BBS9: variants seen among roughly 807,000 people sequenced by gnomAD.
BBS9 encodes the protein protein PTHB1.
Under a neutral mutation model 117.7 loss-of-function variants are expected in BBS9, and 89 were observed. That is an observed-to-expected ratio of 0.76 (90% CI 0.64 to 0.90). BBS9 has a LOEUF of 0.90. Among genes scored for constraint, BBS9 ranks in the 40% least tolerant of loss-of-function variants. The pLI is 0.00. For missense variants in BBS9, 982 were observed against 1,042.2 expected, an observed-to-expected ratio of 0.94 and a Z score of 0.80; for synonymous variants, 379 against 370.9, an observed-to-expected ratio of 1.02 and a Z score of -0.25.
intron 21 of BBS9, among the ~76,000 whole-genome samples, chr7:33,629,796 C>T (rs1268048840): frequency 2.0e-5 from 3 of 152,166 alleles, no homozygotes; most frequent in Non-Finnish European, 4.4e-5. Flanking sequence ...GTATTCAGCT[C>T]AATGCTCTTA....
chr7:33,272,867 A>G, intron 7 of BBS9, 145 bp from the exon 8 acceptor site: 2 of 849,268 alleles, frequency 2.4e-6, no homozygotes, highest in Non-Finnish European at 1.9e-6. Context: ...ATAGTGATAA[A>G]AAAAAGAATA....
At chr7:33,588,101 C>A (rs1388473979) in intron 21 of BBS9, among the ~76,000 whole-genome samples, 3 of 152,028 alleles carry the variant, frequency 2.0e-5, no homozygotes, top group African/African-American at 7.2e-5. Context: ...TTCTTTTTAA[C>A]TTTGATTCCT....
chr7:33,252,783 T>C (rs568549216), intron 5 of BBS9, among the ~76,000 whole-genome samples: 1 of 152,226 alleles, frequency 6.6e-6, no homozygotes, highest in South Asian at 2.1e-4. Context: ...GTCAAGGTCA[T>C]TGCATAAATA....
chr7:33,626,173 C>G (rs1865628080), intron 21 of BBS9, among the ~76,000 whole-genome samples: 1 of 152,166 alleles, frequency 6.6e-6, no homozygotes, highest in Non-Finnish European at 1.5e-5. Context: ...TAGCACTTCT[C>G]CCTTCTCTCT....
At chr7:33,314,735 CAT>C (rs929679440) in intron 9 of BBS9, among the ~76,000 whole-genome samples, 2 of 152,204 alleles carry the variant, frequency 1.3e-5, no homozygotes, top group Admixed American at 6.5e-5. Context: ...TTCAATCTCA[CAT>C]AGTCTTTGCC....
At chr7:33,590,459 G>GTTTTTTTGTTTTTGTTTTTTTTTTTTTT (rs1554551689) in intron 21 of BBS9, among the ~76,000 whole-genome samples, 3 of 101,504 alleles carry the variant, frequency 3.0e-5, no homozygotes, top group East Asian at 2.9e-4. Context: ...TTGTTTTTTT[G>GTTTTTTTGTTTTTGTTTTTTTTTTTTTT]TTTTTTTTTT....
At chr7:33,492,214 C>CAAAAAAAAAAAAAA (rs767399661) in intron 19 of BBS9, among the ~76,000 whole-genome samples, 1 of 110,620 alleles carries the variant, frequency 9.0e-6, no homozygotes, top group Non-Finnish European at 1.8e-5. Context: ...AAAAAAAAAA[C>CAAAAAAAAAAAAAA]AAAAAAAAAA....
At chr7:33,479,349 T>C (rs1445970905) in intron 19 of BBS9, among the ~76,000 whole-genome samples, 1 of 152,048 alleles carries the variant, frequency 6.6e-6, no homozygotes, top group Non-Finnish European at 1.5e-5. Flanking sequence ...GGTATTTAGT[T>C]TTCTGTTCTA....
At chr7:33,499,607 A>G (rs1034631334) in intron 19 of BBS9, among the ~76,000 whole-genome samples, 4 of 152,222 alleles carry the variant, frequency 2.6e-5, no homozygotes, top group Admixed American at 6.5e-5. Context: ...CATATTGCAC[A>G]TGATGAGACT....
chr7:33,323,214 T>G (rs542744472), intron 9 of BBS9, among the ~76,000 whole-genome samples: 1 of 152,306 alleles, frequency 6.6e-6, no homozygotes, highest in South Asian at 2.1e-4. Context: ...CTGCAGCCGT[T>G]AGATGAAATA....
intron 19 of BBS9, among the ~76,000 whole-genome samples, chr7:33,463,838 A>G (rs1839812834): frequency 6.6e-6 from 1 of 151,840 alleles, no homozygotes; most frequent in African/African-American, 2.4e-5. Context: ...CTATCAACCC[A>G]CCCCTTTCTG....
chr7:33,616,501 A>G (rs1047198268), intron 21 of BBS9, among the ~76,000 whole-genome samples: 1 of 147,538 alleles, frequency 6.8e-6, no homozygotes, highest in Non-Finnish European at 1.5e-5. Flanking sequence ...GTGTATATAT[A>G]TATATATATA....
chr7:33,368,611 CACACA>C (rs1162044854), intron 17 of BBS9, among the ~76,000 whole-genome samples: 4 of 150,946 alleles, frequency 2.6e-5, no homozygotes, highest in African/African-American at 9.8e-5. Flanking sequence ...CACACACACA[CACACA>C]CCCATACCCC....
intron 20 of BBS9, among the ~76,000 whole-genome samples, chr7:33,518,582 C>T (rs922929929): frequency 6.6e-6 from 1 of 152,108 alleles, no homozygotes; most frequent in African/African-American, 2.4e-5. Flanking sequence ...GTGTCAGCTA[C>T]TTCAAGGTAG....
At chr7:33,205,517 A>C (rs552655937) in intron 5 of BBS9, among the ~76,000 whole-genome samples, 168 of 152,296 alleles carry the variant, frequency 1.1e-3, no homozygotes, top group African/African-American at 3.9e-3. Context: ...CTGTTTTTTA[A>C]GGATACCCCT....
At chr7:33,338,036 T>C (rs1815735911) in intron 10 of BBS9, among the ~76,000 whole-genome samples, 1 of 152,128 alleles carries the variant, frequency 6.6e-6, no homozygotes, top group Non-Finnish European at 1.5e-5. Context: ...AAGTTTAGGC[T>C]GTTTTACTTG....
intron 21 of BBS9, among the ~76,000 whole-genome samples, chr7:33,614,438 T>C (rs1306848909): frequency 6.6e-6 from 1 of 152,040 alleles, no homozygotes; most frequent in Non-Finnish European, 1.5e-5. Context: ...GTCCCAGATA[T>C]AAGGAGCTTG....
At chr7:33,505,946 A>T (rs903242793) in intron 20 of BBS9, among the ~76,000 whole-genome samples, 8 of 152,248 alleles carry the variant, frequency 5.3e-5, no homozygotes, top group African/African-American at 1.9e-4. Flanking sequence ...TGACAGCAGT[A>T]ACCTTCAGAT....
intron 5 of BBS9, among the ~76,000 whole-genome samples, chr7:33,192,568 A>G (rs773979607): frequency 5.3e-5 from 8 of 152,204 alleles, no homozygotes; most frequent in Non-Finnish European, 1.2e-4. Context: ...TTTTCAGTCT[A>G]TATACTTGGA....
Sources: gnomAD v4.1 joint callset for allele counts (sites outside exome capture counted in the v4.1 genomes callset) on GRCh38, gnomAD v4.1.1 for gene constraint, MANE v1.5 for transcripts, NCBI Gene and HGNC (gene_info 2026-07-23, HGNC 2026-07-21) for gene names.